The following SWAP70 variants were observed in gnomAD, a reference collection of about 807,000 sequenced individuals.
SWAP70 encodes switching B cell complex subunit SWAP70, also known as switch-associated protein 70.
SWAP70 carries 34 observed loss-of-function variants against 80.2 expected under a neutral mutation model. That is an observed-to-expected ratio of 0.42 (90% CI 0.32 to 0.56). The LOEUF (loss-of-function observed/expected upper bound fraction) is 0.56, where lower values mean the gene tolerates loss of function less well. SWAP70 is among the 20% of genes least tolerant of loss of function. The probability of loss-of-function intolerance (pLI) is 0.09; values close to 1 mark genes in which losing one functional copy is unlikely to be tolerated. For missense variants in SWAP70, 578 were observed against 690.7 expected (o/e 0.84, Z 1.83); for synonymous variants, 239 against 238.5 (o/e 1.00, Z -0.02).
intron 3 of SWAP70, among the ~76,000 whole-genome samples, chr11:9,719,443 G>A (rs1490403350): frequency 6.6e-6 from 1 of 152,144 alleles, no homozygotes; most frequent in Non-Finnish European, 1.5e-5. Flanking sequence ...AGCTATATGG[G>A]AGGTTGAGGC....
At chr11:9,744,906 A>G (rs988261360) in intron 9 of SWAP70, among the ~76,000 whole-genome samples, 4 of 152,200 alleles carry the variant, frequency 2.6e-5, no homozygotes, top group Non-Finnish European at 5.9e-5. Flanking sequence ...AAAAGAAAAA[A>G]TTAAGAAAAA....
chr11:9,720,510 T>C (rs1851120810), intron 3 of SWAP70: 1 of 984,408 alleles, frequency 1.0e-6, no homozygotes, highest in African/African-American at 1.7e-5. Flanking sequence ...TAAGGCTGAT[T>C]CTTGACTTGT....
At position 9,728,123 on chromosome 11, in the gene SWAP70, T is replaced by A; in HGVS notation, c.713T>A (p.Ile238Lys). The change falls in exon 5 of 12, where the codon ATA becomes AAA. Residue 238 changes from isoleucine to lysine, a missense_variant. Transcript: ENST00000318950. ...TERWFVLKPN[I>K]ISYYVSEDLK... Reference sequence around the variant, plus strand: ...AGATGGTTTGTACTAAAACCCAACATAATTTCTTACTATGTGAGTGAGGAT... The same window carrying A: ...AGATGGTTTGTACTAAAACCCAACAAAATTTCTTACTATGTGAGTGAGGAT... 1 of 1,613,116 alleles carries A rather than the reference T, an allele frequency of 6.2e-7. No individual in the cohort carries two copies. Among genetic ancestry groups the A allele is most frequent in the Non-Finnish European group, 8.5e-7 (1 of 1,179,666 alleles).
rs576710564 is a variant in SWAP70 at position 9,688,220 on chromosome 11, T to C, written c.100-5926T>C. On this transcript the variant is annotated intron_variant, in intron 1 of 11. Coordinates refer to ENST00000318950, the MANE Select transcript of SWAP70 (RefSeq NM_015055.4). ...AGCAGTTATTGAAAGTCTTCTGGAT[T>C]CTGGGCAGCATGCCAGGTGCCATGG... Among the ~76,000 whole-genome samples, 5 of 152,384 alleles carry C rather than the reference T, an allele frequency of 3.3e-5. No homozygotes were observed. In the South Asian group the frequency reaches 1.0e-3, roughly 32 times the overall value.
chr11:9,742,542 G>C (rs1378789648), intron 9 of SWAP70, among the ~76,000 whole-genome samples: 1 of 152,016 alleles, frequency 6.6e-6, no homozygotes, highest in African/African-American at 2.4e-5. Flanking sequence ...TTGCCATGTT[G>C]GCCAGGATGG....
chr11:9,737,897 A>G (rs1851384055), intron 7 of SWAP70, among the ~76,000 whole-genome samples: 1 of 152,190 alleles, frequency 6.6e-6, no homozygotes, highest in Non-Finnish European at 1.5e-5. Flanking sequence ...TCAGTCTCAA[A>G]TAAATAAATA....
intron 1 of SWAP70, among the ~76,000 whole-genome samples, chr11:9,688,707 G>A (rs992180394): frequency 2.6e-5 from 4 of 152,162 alleles, no homozygotes; most frequent in Non-Finnish European, 4.4e-5. Context: ...GATGGTAACT[G>A]ATTGTACTTA....
rs1300375835 is a variant in SWAP70, at chr11:9,711,065, A to AT, written c.241-2394dup. ...ATTTATTTATGTATTTTTTATTTTT[A>AT]TTTTTTTAAACATTGTTTATATTAA... On this transcript the variant is annotated intron_variant, in intron 2 of 11. Coordinates refer to ENST00000318950, the MANE Select transcript of SWAP70 (RefSeq NM_015055.4). Among the ~76,000 whole-genome samples, 4 of 148,636 alleles carry AT rather than the reference A, an allele frequency of 2.7e-5. No homozygotes were observed. In the East Asian group the frequency reaches 5.9e-4, roughly 22 times the overall value.
intron 5 of SWAP70, among the ~76,000 whole-genome samples, 180 bp downstream of exon 5, chr11:9,728,379 C>T (rs574836416): frequency 1.3e-5 from 2 of 152,158 alleles, no homozygotes; most frequent in East Asian, 3.9e-4. Flanking sequence ...ACATAGCTGA[C>T]AAAATTTTTT....
At chr11:9,725,715 G>A (rs1851215452) in intron 4 of SWAP70, among the ~76,000 whole-genome samples, 1 of 151,290 alleles carries the variant, frequency 6.6e-6, no homozygotes, top group Non-Finnish European at 1.5e-5. Context: ...GGGACTACAG[G>A]TGTGCGCCAC....
At chr11:9,684,106 G>A (rs1300671234) in intron 1 of SWAP70, among the ~76,000 whole-genome samples, 1 of 151,840 alleles carries the variant, frequency 6.6e-6, no homozygotes, top group East Asian at 1.9e-4. Flanking sequence ...TTTTGAGACA[G>A]GGTCTTACAC....
At chr11:9,739,422 T>C (rs905759280) in intron 8 of SWAP70, among the ~76,000 whole-genome samples, 1 of 152,264 alleles carries the variant, frequency 6.6e-6, no homozygotes, top group African/African-American at 2.4e-5. Flanking sequence ...CTGGTCCTTC[T>C]TACTGAACAT....
chr11:9,742,413 T>C (rs1851452482), intron 9 of SWAP70, among the ~76,000 whole-genome samples: 2 of 152,016 alleles, frequency 1.3e-5, no homozygotes, highest in African/African-American at 2.4e-5. Flanking sequence ...CTCGGCTCAC[T>C]GCAATCTCCG....
At chr11:9,739,976 A>G (rs1317695381) in intron 8 of SWAP70, among the ~76,000 whole-genome samples, 2 of 152,102 alleles carry the variant, frequency 1.3e-5, no homozygotes. Flanking sequence ...TTGGGTTATA[A>G]TTTGCTCTTC....
At chr11:9,684,391 C>A (rs1393360810) in intron 1 of SWAP70, among the ~76,000 whole-genome samples, 1 of 152,166 alleles carries the variant, frequency 6.6e-6, no homozygotes, top group Non-Finnish European at 1.5e-5. Flanking sequence ...GATTTGTGGT[C>A]TTTGTCACCA....
chr11:9,664,675 AGGAAGGGACTTGCCCAAG>A (rs1565106788), intron 1 of SWAP70, among the ~76,000 whole-genome samples: 1 of 152,156 alleles, frequency 6.6e-6, no homozygotes, highest in African/African-American at 2.4e-5. Flanking sequence ...ACTCCAGGAG[AGGAAGGGACTTGCCCAAG>A]GTCGCTGGGC....
intron 2 of SWAP70, among the ~76,000 whole-genome samples, chr11:9,702,181 T>C (rs1850841616): frequency 6.6e-6 from 1 of 152,234 alleles, no homozygotes; most frequent in South Asian, 2.1e-4. Flanking sequence ...ATATGTCACT[T>C]ATAATTCTTT....
chr11:9,686,441 G>A (rs1850634226), intron 1 of SWAP70, among the ~76,000 whole-genome samples: 1 of 151,572 alleles, frequency 6.6e-6, no homozygotes, highest in East Asian at 1.9e-4. Context: ...ACTCACTGCA[G>A]CCTCAACCTC....
chr11:9,664,774 G>T (rs1200051575), intron 1 of SWAP70, among the ~76,000 whole-genome samples: 1 of 152,216 alleles, frequency 6.6e-6, no homozygotes, highest in South Asian at 2.1e-4. Flanking sequence ...GGAGGCGACA[G>T]GGCAGTCCGG....
Sources: gnomAD v4.1 joint callset for allele counts (sites outside exome capture counted in the v4.1 genomes callset) on GRCh38, gnomAD v4.1.1 for gene constraint, MANE v1.5 for transcripts, NCBI Gene and HGNC (gene_info 2026-07-23, HGNC 2026-07-21) for gene names.